CSMD1: variants seen among roughly 807,000 people sequenced by gnomAD.
CSMD1 encodes the protein CUB and sushi domain-containing protein 1.
CSMD1 carries 213 observed loss-of-function variants against 417.5 expected under a neutral mutation model. The observed-to-expected ratio is 0.51, with a 90% CI of 0.46 to 0.57. The LOEUF is 0.57. Among genes scored for constraint, CSMD1 ranks in the 20% least tolerant of loss-of-function variants. The pLI, the probability that CSMD1 is intolerant of heterozygous loss-of-function variation, is 0.00. For synonymous variants in CSMD1, 2,862 were observed against 1,736.8 expected (o/e 1.65, Z -16.11); for missense variants, 6,923 against 4,529.7 (o/e 1.53, Z -15.17).
intron 6 of CSMD1, among the ~76,000 whole-genome samples, chr8:3,746,270 C>T (rs769628998): frequency 9.2e-5 from 14 of 152,264 alleles, no homozygotes; most frequent in African/African-American, 2.6e-4. Flanking sequence ...AAACAATTTA[C>T]GAAGGGATTG....
chr8:4,363,603 G>C (rs996116405), intron 3 of CSMD1, among the ~76,000 whole-genome samples: 9 of 152,162 alleles, frequency 5.9e-5, no homozygotes, highest in Admixed American at 2.0e-4. Flanking sequence ...ATTTCAAAGA[G>C]ACAACATCAA....
chr8:4,877,329 C>G (rs1056240891), intron 1 of CSMD1, among the ~76,000 whole-genome samples: 2 of 151,930 alleles, frequency 1.3e-5, no homozygotes, highest in African/African-American at 2.4e-5. Context: ...TTACATTAAT[C>G]AGGGTTAAGA....
intron 1 of CSMD1, among the ~76,000 whole-genome samples, chr8:4,951,612 T>A (rs1808755522): frequency 6.6e-6 from 1 of 151,556 alleles, no homozygotes; most frequent in South Asian, 2.1e-4. Flanking sequence ...GCGGGGTTTT[T>A]TTAATGCCTG....
intron 3 of CSMD1, among the ~76,000 whole-genome samples, chr8:4,261,759 G>A (rs745325681): frequency 2.1e-4 from 32 of 152,024 alleles, no homozygotes; most frequent in Non-Finnish European, 3.1e-4. Context: ...TGTTTTCTAT[G>A]TGAAGTGATG....
chr8:4,341,209 G>C (rs940806788), intron 3 of CSMD1, among the ~76,000 whole-genome samples: 1 of 152,048 alleles, frequency 6.6e-6, no homozygotes, highest in Non-Finnish European at 1.5e-5. Context: ...ATGAAGGCAA[G>C]TTTCCATGGT....
At position 3,137,372 on chromosome 8, in the gene CSMD1, A is replaced by G. The variant is rs576900266; in HGVS notation, c.6241+5093T>C. Reference sequence around the variant, plus strand: ...CGAAAATGTATATGCAGCACGGCAGAAAGTCCCTTAGCATCAGGGGGAATA... The same window carrying G: ...CGAAAATGTATATGCAGCACGGCAGGAAGTCCCTTAGCATCAGGGGGAATA... On this transcript the variant is annotated intron_variant, in intron 41 of 69. Transcript: ENST00000635120. Among the ~76,000 whole-genome samples the G allele has an allele frequency of 7.9e-5, 12 of 152,376 alleles. No individual in the cohort carries two copies. The South Asian group carries it at 2.3e-3, about 29-fold the overall frequency.
intron 2 of CSMD1, among the ~76,000 whole-genome samples, chr8:4,551,561 G>A (rs911072610): frequency 1.3e-5 from 2 of 152,138 alleles, no homozygotes; most frequent in African/African-American, 4.8e-5. Flanking sequence ...ACTCTCTGCA[G>A]GTTCCAGGCA....
At chr8:4,375,190 G>A (rs543551848) in intron 3 of CSMD1, among the ~76,000 whole-genome samples, 77 of 152,202 alleles carry the variant, frequency 5.1e-4, no homozygotes, top group African/African-American at 1.8e-3. Flanking sequence ...AATATGGAGT[G>A]TTTTCAAGTC....
At chr8:4,577,588 A>G (rs1160445043) in intron 2 of CSMD1, among the ~76,000 whole-genome samples, 6 of 152,150 alleles carry the variant, frequency 3.9e-5, no homozygotes, top group Non-Finnish European at 8.8e-5. Flanking sequence ...TCCCTCAGGC[A>G]GGATCCAGTA....
intron 5 of CSMD1, among the ~76,000 whole-genome samples, chr8:3,863,049 C>T (rs940321409): frequency 6.6e-6 from 1 of 152,144 alleles, no homozygotes; most frequent in African/African-American, 2.4e-5. Flanking sequence ...GACGGCACCT[C>T]CCTGCAGCAT....
At chr8:4,818,044 T>C (rs555740838) in intron 1 of CSMD1, among the ~76,000 whole-genome samples, 1 of 152,188 alleles carries the variant, frequency 6.6e-6, no homozygotes, top group Non-Finnish European at 1.5e-5. Context: ...CCAGCACTTT[T>C]TATATATGAA....
At chr8:3,744,344 T>C (rs1433763234) in intron 6 of CSMD1, among the ~76,000 whole-genome samples, 1 of 152,024 alleles carries the variant, frequency 6.6e-6, no homozygotes, top group Non-Finnish European at 1.5e-5. Flanking sequence ...CCTGTGGGCT[T>C]CCACTGATTA....
rs755410045 is a variant in CSMD1 at position 3,387,536 on chromosome 8, C to G, written c.2740G>C (p.Glu914Gln). 5.6e-6 allele frequency: 9 copies of G among 1,602,462 alleles called. No individual in the cohort carries two copies. The highest frequency in any genetic ancestry group is 7.7e-6 in the Non-Finnish European group (9 of 1,174,500). ...GCGTGGTTCCACTGGTGGTTCCTCTCACAGACGAGGGGCTCGTCGTCACTT... is the reference window on the plus strand; with the variant it reads ...GCGTGGTTCCACTGGTGGTTCCTCTGACAGACGAGGGGCTCGTCGTCACTT... ...TLSDDEPLVC[E>Q]RNHQWNHALP... The change falls in exon 18 of 70, where the codon GAG becomes CAG. Residue 914 changes from glutamate to glutamine, a missense_variant. Coordinates refer to ENST00000635120, the MANE Select transcript of CSMD1 (RefSeq NM_033225.6).
chr8:3,498,642 T>A lies in CSMD1; in HGVS notation c.1345-4916A>T, dbSNP rs186519399. 2.6e-5 allele frequency among the ~76,000 whole-genome samples: 4 copies of A among 152,340 alleles called. No individual in the cohort carries two copies. In the East Asian group the frequency reaches 7.7e-4, roughly 29 times the overall value. On this transcript the variant is annotated intron_variant, in intron 10 of 69. Coordinates refer to ENST00000635120, the MANE Select transcript of CSMD1 (RefSeq NM_033225.6). ...TCTAGAACTCCCATAATGGGAATAT[T>A]TGTCCCCTGCATTTTGTTCCACACA...
At chr8:4,740,138 C>A (rs898338510) in intron 1 of CSMD1, among the ~76,000 whole-genome samples, 1 of 152,084 alleles carries the variant, frequency 6.6e-6, no homozygotes, top group Admixed American at 6.5e-5. Context: ...AATTCCCTCC[C>A]TGCAGGGATG....
chr8:3,554,968 C>A (rs201779636), intron 10 of CSMD1, among the ~76,000 whole-genome samples: 2 of 152,054 alleles, frequency 1.3e-5, no homozygotes, highest in East Asian at 3.9e-4. Flanking sequence ...GCCCAGACAC[C>A]TGGGCTCTTG....
chr8:4,041,471 A>G (rs376713247), intron 3 of CSMD1, among the ~76,000 whole-genome samples: 1 of 152,350 alleles, frequency 6.6e-6, no homozygotes, highest in Middle Eastern at 3.4e-3. Flanking sequence ...AAAGTAGTGT[A>G]AGGATCAAAC....
intron 3 of CSMD1, among the ~76,000 whole-genome samples, chr8:4,283,352 G>A (rs185347216): frequency 1.2e-3 from 183 of 152,188 alleles, no homozygotes; most frequent in Non-Finnish European, 2.0e-3. Flanking sequence ...GTATAAATGC[G>A]AACATCTTTG....
At chr8:3,863,573 A>C (rs1039423652) in intron 5 of CSMD1, among the ~76,000 whole-genome samples, 1 of 152,112 alleles carries the variant, frequency 6.6e-6, no homozygotes, top group Non-Finnish European at 1.5e-5. Flanking sequence ...CTGTTTACAA[A>C]AATATAATCT....
Sources: gnomAD v4.1 joint callset for allele counts (sites outside exome capture counted in the v4.1 genomes callset) on GRCh38, gnomAD v4.1.1 for gene constraint, MANE v1.5 for transcripts, NCBI Gene and HGNC (gene_info 2026-07-23, HGNC 2026-07-21) for gene names.